The following AGBL1 variants were observed in gnomAD, a reference collection of about 807,000 sequenced individuals.
AGBL1 encodes the protein AGBL carboxypeptidase 1.
In AGBL1, 130 loss-of-function variants were observed where a neutral mutation model predicts 118.9. That is an observed-to-expected ratio of 1.09 (90% CI 0.95 to 1.26). The LOEUF (loss-of-function observed/expected upper bound fraction) is 1.26, where lower values mean the gene tolerates loss of function less well. Ranked by LOEUF, AGBL1 falls within the 50% of genes most tolerant of loss-of-function variation. The probability of loss-of-function intolerance (pLI) is 0.00; values close to 1 mark genes in which losing one functional copy is unlikely to be tolerated. For missense variants in AGBL1, 1,584 were observed against 1,298.1 expected, an observed-to-expected ratio of 1.22 and a Z score of -3.38; for synonymous variants, 555 against 478.9, an observed-to-expected ratio of 1.16 and a Z score of -2.08.
In AGBL1 at chr15:86,912,867, T is replaced by G. The variant is rs780580403; in HGVS notation, c.*5573T>G. 2.6e-5 allele frequency: 4 copies of G among 152,198 alleles called. No individual in the cohort carries two copies. The highest frequency in any genetic ancestry group is 4.4e-5 in the Non-Finnish European group (3 of 68,044). 9.4% of individuals were successfully genotyped at this position (152,198 alleles called of 1,614,324 possible). A position where few individuals can be genotyped will look rare whatever the true frequency, so the allele number is the denominator to read the frequency against. On this transcript the variant is annotated 3_prime_UTR_variant, in exon 23 of 23. Transcript: ENST00000614907. ...CAAACTCTCTAGTCTTGGAAAGACA[T>G]GCATAGTAGCCTGGTGCCCACCAGG...
chr15:86,715,737 G>A (rs1214789922), intron 22 of AGBL1, among the ~76,000 whole-genome samples: 2 of 152,152 alleles, frequency 1.3e-5, no homozygotes, highest in Non-Finnish European at 2.9e-5. Context: ...TAATTAATGA[G>A]TTTTAATTGA....
chr15:86,216,027 T>A (rs1433450289), intron 5 of AGBL1, among the ~76,000 whole-genome samples: 1 of 152,220 alleles, frequency 6.6e-6, no homozygotes, highest in African/African-American at 2.4e-5. Context: ...ATTAGTGGGA[T>A]TTAAACAAAA....
At chr15:86,741,503 A>C (rs960652) in intron 22 of AGBL1, among the ~76,000 whole-genome samples, 2,301 of 151,030 alleles carry the variant, frequency 0.015, 51 homozygotes, top group African/African-American at 0.052. Flanking sequence ...GATAATGTAA[A>C]TAAATAGGAT....
chr15:86,183,887 T>G (rs2077586819), intron 5 of AGBL1, among the ~76,000 whole-genome samples: 1 of 152,134 alleles, frequency 6.6e-6, no homozygotes, highest in African/African-American at 2.4e-5. Context: ...AAATGATCAT[T>G]CTGAAACAAG....
chr15:86,931,544 A>C (rs2080604097), intron 23 of AGBL1, among the ~76,000 whole-genome samples: 1 of 148,324 alleles, frequency 6.7e-6, no homozygotes, highest in Admixed American at 6.7e-5. Context: ...AAATTACAGC[A>C]ACAAAATGAA....
intron 18 of AGBL1, among the ~76,000 whole-genome samples, chr15:86,507,478 C>T (rs1195280363): frequency 3.9e-5 from 6 of 151,972 alleles, no homozygotes; most frequent in South Asian, 2.1e-4. Context: ...AGGTAAGGTC[C>T]GTGTTATCAT....
At chr15:86,776,089 T>C (rs2078251550) in intron 22 of AGBL1, among the ~76,000 whole-genome samples, 3 of 152,180 alleles carry the variant, frequency 2.0e-5, no homozygotes. Context: ...TCAATCATTT[T>C]CCACCTCCTC....
intron 17 of AGBL1, among the ~76,000 whole-genome samples, 200 bp from the exon 18 acceptor site, chr15:86,397,166 G>A (rs905460307): frequency 1.3e-5 from 2 of 152,104 alleles, no homozygotes; most frequent in Non-Finnish European, 2.9e-5. Flanking sequence ...GATTCTGTAT[G>A]AGTAAGATCG....
At chr15:86,271,005 T>C (rs2079151501) in intron 14 of AGBL1, among the ~76,000 whole-genome samples, 1 of 151,348 alleles carries the variant, frequency 6.6e-6, no homozygotes, top group Non-Finnish European at 1.5e-5. Flanking sequence ...GCTAGTAGTG[T>C]TGCATCTTGA....
At chr15:86,398,476 C>A (rs2081399659) in intron 18 of AGBL1, among the ~76,000 whole-genome samples, 2 of 151,960 alleles carry the variant, frequency 1.3e-5, no homozygotes, top group South Asian at 2.1e-4. Flanking sequence ...AAATTCAAAA[C>A]CTACAATGGA....
Position 86,785,915 on chromosome 15 carries a change from G to A in AGBL1, c.3158+111479G>A, listed in dbSNP as rs74025482. On this transcript the variant is annotated intron_variant, in intron 22 of 22. Coordinates refer to ENST00000614907, the MANE Select transcript of AGBL1 (RefSeq NM_001386094.1). Reference sequence around the variant, plus strand: ...ACAGGAGAGCTGGGACTACATCAGAGGCAGAAACTATGACTGGAGATGGGA... The same window carrying A: ...ACAGGAGAGCTGGGACTACATCAGAAGCAGAAACTATGACTGGAGATGGGA... Among the ~76,000 whole-genome samples the A allele has an allele frequency of 3.5e-3, 531 of 152,196 alleles. 6 individuals are homozygous for A. The highest frequency in any genetic ancestry group is 0.012 in the African/African-American group (499 of 41,514).
intron 23 of AGBL1, among the ~76,000 whole-genome samples, chr15:86,964,696 G>A (rs112967765): frequency 0.075 from 11,310 of 150,232 alleles, 524 homozygotes; most frequent in South Asian, 0.2. Flanking sequence ...GTGCAGGTTT[G>A]TTACATAGGT....
chr15:86,143,993 C>T (rs1321152562), intron 3 of AGBL1, 148 bp downstream of exon 3: 3 of 1,013,060 alleles, frequency 3.0e-6, no homozygotes, highest in Non-Finnish European at 4.2e-6. Context: ...CAGGACCAGC[C>T]CCATAGGAGA....
intron 7 of AGBL1, among the ~76,000 whole-genome samples, chr15:86,254,085 C>T (rs2078858288): frequency 6.6e-6 from 1 of 152,180 alleles, no homozygotes; most frequent in Admixed American, 6.5e-5. Flanking sequence ...TACTCTTAGT[C>T]AAGGTCCTTT....
intron 20 of AGBL1, among the ~76,000 whole-genome samples, chr15:86,550,002 A>G (rs1027129611): frequency 2.6e-5 from 4 of 152,102 alleles, no homozygotes; most frequent in Non-Finnish European, 4.4e-5. Flanking sequence ...AGATGGCAAG[A>G]TAGTAGAGAA....
At chr15:86,461,587 A>G (rs563759668) in intron 18 of AGBL1, among the ~76,000 whole-genome samples, 26 of 152,332 alleles carry the variant, frequency 1.7e-4, no homozygotes, top group African/African-American at 6.0e-4. Context: ...TAAATGCTGA[A>G]AACACAATTT....
chr15:86,924,264 G>C (rs1486731829), intron 23 of AGBL1, among the ~76,000 whole-genome samples: 1 of 152,198 alleles, frequency 6.6e-6, no homozygotes, highest in East Asian at 1.9e-4. Context: ...AGGACATTGT[G>C]ATCCTAATGG....
At position 86,633,850 on chromosome 15, in the gene AGBL1, A is replaced by G. The variant is rs76942181; in HGVS notation, c.2995-40423A>G. ...TATATAATGTATATATATATAATGTATATATATATATAATGTATATATATA... is the reference window on the plus strand; with the variant it reads ...TATATAATGTATATATATATAATGTGTATATATATATAATGTATATATATA... On this transcript the variant is annotated intron_variant, in intron 21 of 22. Transcript: ENST00000614907. Among the ~76,000 whole-genome samples, 17 of 39,744 alleles carry G rather than the reference A, an allele frequency of 4.3e-4. No homozygotes were observed. In the South Asian group the frequency reaches 9.1e-3, roughly 21 times the overall value. 26.1% of individuals were successfully genotyped at this position (39,744 alleles called of 152,430 possible). A position where few individuals can be genotyped will look rare whatever the true frequency, so the allele number is the denominator to read the frequency against.
chr15:87,031,296 C>T (rs540758206), downstream of AGBL1, among the ~76,000 whole-genome samples: 14 of 151,812 alleles, frequency 9.2e-5, no homozygotes, highest in East Asian at 3.9e-4. Flanking sequence ...GATTAGTCAA[C>T]GGCAAAATTG....
Sources: gnomAD v4.1 joint callset for allele counts (sites outside exome capture counted in the v4.1 genomes callset) on GRCh38, gnomAD v4.1.1 for gene constraint, MANE v1.5 for transcripts, NCBI Gene and HGNC (gene_info 2026-07-23, HGNC 2026-07-21) for gene names.